Variants in NAALADL2 observed in about 807,000 individuals in gnomAD.
The protein encoded by NAALADL2 is N-acetylated alpha-linked acidic dipeptidase like 2.
Under a neutral mutation model 87.2 loss-of-function variants are expected in NAALADL2, and 76 were observed. The observed-to-expected ratio is 0.87, with a 90% CI of 0.72 to 1.05. The LOEUF is 1.05. NAALADL2 is among the 50% of genes least tolerant of loss of function. The pLI is 0.00. For missense variants in NAALADL2, 1,089 were observed against 945.8 expected (o/e 1.15, Z -1.99); for synonymous variants, 354 against 331.0 (o/e 1.07, Z -0.75).
At chr3:174,760,471 G>C (rs973530016) in intron 3 of NAALADL2, among the ~76,000 whole-genome samples, 1 of 152,208 alleles carries the variant, frequency 6.6e-6, no homozygotes, top group South Asian at 2.1e-4. Context: ...TACTGCAATA[G>C]GGACTGTGGA....
chr3:175,796,059 T>C (rs1384458649), intron 13 of NAALADL2, among the ~76,000 whole-genome samples: 1 of 130,976 alleles, frequency 7.6e-6, no homozygotes, highest in Non-Finnish European at 1.6e-5. Flanking sequence ...ACATGGTGGT[T>C]TGGCAGGGAG....
rs936015011 is a variant in NAALADL2, at chr3:174,711,499, A to G, written c.-114-26142A>G. Among the ~76,000 whole-genome samples, 5 of 152,306 alleles carry G rather than the reference A, an allele frequency of 3.3e-5. No individual in the cohort carries two copies. The East Asian group carries it at 9.7e-4, about 29-fold the overall frequency. On this transcript the variant is annotated intron_variant, in intron 2 of 3. Coordinates refer to the NAALADL2 transcript ENST00000434257. ...AGATTTTCTATTTCCAGGAAAGTACAAGGATTTTATTTCAAATACTTGGCT... is the reference window on the plus strand; with the variant it reads ...AGATTTTCTATTTCCAGGAAAGTACGAGGATTTTATTTCAAATACTTGGCT...
intron 1 of NAALADL2, among the ~76,000 whole-genome samples, chr3:174,953,394 G>A (rs1485651969): frequency 9.5e-5 from 13 of 136,632 alleles, no homozygotes; most frequent in East Asian, 2.3e-4. Context: ...TACCTACTAC[G>A]TGTCAGGCAT....
chr3:175,530,701 A>G (rs1473334105), intron 9 of NAALADL2, among the ~76,000 whole-genome samples: 2 of 152,148 alleles, frequency 1.3e-5, no homozygotes, highest in Non-Finnish European at 2.9e-5. Context: ...GACCATGGGC[A>G]TTTGAGCCAC....
At chr3:174,465,806 CT>C (rs201506386) in intron 1 of NAALADL2, among the ~76,000 whole-genome samples, 7 of 151,214 alleles carry the variant, frequency 4.6e-5, no homozygotes, top group Non-Finnish European at 8.9e-5. Flanking sequence ...GATATACACA[CT>C]TTTTTTTTAG....
chr3:174,474,822 A>G (rs2108317319), intron 1 of NAALADL2, among the ~76,000 whole-genome samples: 1 of 152,276 alleles, frequency 6.6e-6, no homozygotes, highest in Middle Eastern at 3.4e-3. Flanking sequence ...AGGTAAAGCA[A>G]TTGAGAATTT....
intron 2 of NAALADL2, among the ~76,000 whole-genome samples, chr3:175,197,001 A>G (rs892309744): frequency 2.0e-5 from 3 of 152,048 alleles, no homozygotes; most frequent in African/African-American, 4.8e-5. Flanking sequence ...AGAAAAAAAT[A>G]GGTGAGAAAC....
chr3:175,665,933 C>A (rs113799368), intron 11 of NAALADL2, among the ~76,000 whole-genome samples: 44 of 151,364 alleles, frequency 2.9e-4, no homozygotes, highest in South Asian at 1.0e-3. Context: ...CTGTCCCCCC[C>A]CCAAAAAAAA....
intron 2 of NAALADL2, among the ~76,000 whole-genome samples, chr3:174,557,349 T>G (rs1395284634): frequency 6.6e-6 from 1 of 152,216 alleles, no homozygotes. Context: ...TAGCTGCTTT[T>G]TAGTCATTTC....
chr3:175,461,937 G>T (rs2149264437), intron 6 of NAALADL2, among the ~76,000 whole-genome samples: 1 of 152,192 alleles, frequency 6.6e-6, no homozygotes, highest in African/African-American at 2.4e-5. Context: ...AGGGGTTTCT[G>T]GGGAGAGAGG....
intron 2 of NAALADL2, among the ~76,000 whole-genome samples, chr3:175,166,735 CT>C: frequency 6.6e-6 from 1 of 152,186 alleles, no homozygotes; most frequent in Admixed American, 6.6e-5. Context: ...ATACCTGCCC[CT>C]GTTCTCCTCA....
At chr3:174,761,194 A>G (rs1238949114) in intron 3 of NAALADL2, among the ~76,000 whole-genome samples, 1 of 152,202 alleles carries the variant, frequency 6.6e-6, no homozygotes, top group Non-Finnish European at 1.5e-5. Flanking sequence ...CCGAGTGCCT[A>G]GCAGTATCTA....
At chr3:174,646,918 C>T (rs996028078) in intron 2 of NAALADL2, among the ~76,000 whole-genome samples, 4 of 152,040 alleles carry the variant, frequency 2.6e-5, no homozygotes, top group African/African-American at 4.8e-5. Context: ...CCAAGTCTGA[C>T]GACATATTCT....
At chr3:175,340,264 A>G (rs780940005) in intron 5 of NAALADL2, among the ~76,000 whole-genome samples, 5 of 152,218 alleles carry the variant, frequency 3.3e-5, no homozygotes, top group South Asian at 2.1e-4. Flanking sequence ...TAGGATGGCT[A>G]TAAAATCACA....
intron 1 of NAALADL2, among the ~76,000 whole-genome samples, chr3:174,943,047 T>G (rs1398457234): frequency 2.6e-5 from 4 of 152,234 alleles, no homozygotes; most frequent in Admixed American, 1.3e-4. Context: ...TTCAGGCAGC[T>G]AGCCTGCTTA....
At chr3:175,736,279 C>A (rs1215567408) in intron 11 of NAALADL2, among the ~76,000 whole-genome samples, 1 of 151,918 alleles carries the variant, frequency 6.6e-6, no homozygotes, top group Non-Finnish European at 1.5e-5. Context: ...TTTGGGGATG[C>A]CTTTTAAAAT....
intron 1 of NAALADL2, among the ~76,000 whole-genome samples, chr3:174,909,264 G>A (rs534058443): frequency 2.0e-5 from 3 of 151,940 alleles, no homozygotes; most frequent in East Asian, 1.9e-4. Flanking sequence ...CATGGTGACG[G>A]GTGCCTGTAA....
intron 11 of NAALADL2, among the ~76,000 whole-genome samples, chr3:175,720,638 T>C (rs537385918): frequency 4.6e-5 from 7 of 151,802 alleles, no homozygotes; most frequent in Non-Finnish European, 8.8e-5. Flanking sequence ...ATATTAAAAA[T>C]AAACCCACAT....
intron 11 of NAALADL2, among the ~76,000 whole-genome samples, chr3:175,733,679 A>C (rs952142261): frequency 6.6e-6 from 1 of 152,230 alleles, no homozygotes; most frequent in African/African-American, 2.4e-5. Context: ...TCCACAGTCC[A>C]AAGTCTCATC....
Sources: allele counts gnomAD v4.1 joint callset (sites outside exome capture counted in the v4.1 genomes callset), GRCh38; gene constraint gnomAD v4.1.1; transcripts MANE v1.5; gene names NCBI Gene and HGNC (gene_info 2026-07-23, HGNC 2026-07-21).